The following PDIA6 variants were observed in gnomAD, a reference collection of about 807,000 sequenced individuals.
The protein encoded by PDIA6 is protein disulfide isomerase family A member 6.
PDIA6 carries 29 observed loss-of-function variants against 58.4 expected under a neutral mutation model. That is an observed-to-expected ratio of 0.50 (90% CI 0.37 to 0.68). PDIA6 has a LOEUF of 0.68. Ranked by LOEUF, PDIA6 falls within the 30% of genes least tolerant of loss-of-function variation. The pLI is 0.00. For synonymous variants in PDIA6, 192 were observed against 202.6 expected, an observed-to-expected ratio of 0.95 and a Z score of 0.44; for missense variants, 480 against 551.0, an observed-to-expected ratio of 0.87 and a Z score of 1.29.
intron 1 of PDIA6, among the ~76,000 whole-genome samples, chr2:10,830,870 G>C (rs574644374): frequency 8.5e-5 from 13 of 152,298 alleles, no homozygotes; most frequent in African/African-American, 3.1e-4. Context: ...GGAGGCACAC[G>C]GGGCACTTCT....
At chr2:10,816,285 A>T (rs1224139572), upstream of PDIA6, among the ~76,000 whole-genome samples, 7 of 151,364 alleles carry the variant, frequency 4.6e-5, no homozygotes, top group Non-Finnish European at 8.8e-5. Context: ...GGTTTTCATC[A>T]TGTTGGAGAG....
chr2:10,836,299 C>T (rs187909798), upstream of PDIA6, among the ~76,000 whole-genome samples: 92 of 152,312 alleles, frequency 6.0e-4, no homozygotes, highest in African/African-American at 2.1e-3. Flanking sequence ...ACACTGGCAA[C>T]GTCAGGCCTG....
Position 10,783,993 on chromosome 2 carries a change from G to T in PDIA6, c.*265C>A. 1 of 289,798 alleles carries T rather than the reference G, an allele frequency of 3.5e-6. No homozygotes were observed. The allele number at this position is 289,798 out of a possible 1,614,324, so 18.0% of individuals were successfully genotyped here. ...TCAAGCAGCAGTCAGAGAGAAAAAT[G>T]TTTCGACAGCCAAGTTTTCTTCAAA... On this transcript the variant is annotated 3_prime_UTR_variant, in exon 13 of 13. Coordinates refer to ENST00000272227, the MANE Select transcript of PDIA6 (RefSeq NM_005742.4).
At chr2:10,830,718 C>G (rs1273161517) in intron 1 of PDIA6, among the ~76,000 whole-genome samples, 1 of 152,216 alleles carries the variant, frequency 6.6e-6, no homozygotes, top group Non-Finnish European at 1.5e-5. Context: ...AGACTTAGAG[C>G]TGAACTGAAC....
intron 1 of PDIA6, among the ~76,000 whole-genome samples, chr2:10,808,127 A>C (rs1241018918): frequency 6.6e-6 from 1 of 152,270 alleles, no homozygotes; most frequent in Non-Finnish European, 1.5e-5. Context: ...TAGTGAAGCC[A>C]CTAAAGGGTT....
chr2:10,789,741 T>A lies in PDIA6; in HGVS notation c.840+8A>T, dbSNP rs11904084. ...CTTTCTGGACTACAAGCAGTTGAAGTGGTTTACCTCAAGCAGCTCAGGAGG... is the reference window on the plus strand; with the variant it reads ...CTTTCTGGACTACAAGCAGTTGAAGAGGTTTACCTCAAGCAGCTCAGGAGG... On this transcript the variant is annotated splice_region_variant and intron_variant, in intron 8 of 12. Coordinates refer to ENST00000272227, the MANE Select transcript of PDIA6 (RefSeq NM_005742.4). The A allele has an allele frequency of 3.7e-6, 6 of 1,611,276 alleles. No homozygotes were observed. The South Asian group carries it at 5.5e-5, about 15-fold the overall frequency.
intron 1 of PDIA6, chr2:10,820,633 C>T (rs1245209982): frequency 8.6e-6 from 5 of 579,572 alleles, no homozygotes; most frequent in Non-Finnish European, 1.2e-5. Context: ...ATTTCTTGAG[C>T]TGTTTTTTGT....
At chr2:10,836,786 A>G (rs990604918), upstream of PDIA6, among the ~76,000 whole-genome samples, 1 of 151,722 alleles carries the variant, frequency 6.6e-6, no homozygotes, top group Non-Finnish European at 1.5e-5. Flanking sequence ...CTTGTGTTCT[A>G]TGGGGATTAA....
At chr2:10,813,697 G>A (rs1442971987), upstream of PDIA6, among the ~76,000 whole-genome samples, 1 of 151,788 alleles carries the variant, frequency 6.6e-6, no homozygotes, top group Non-Finnish European at 1.5e-5. Context: ...GTGCAAAGGC[G>A]GGGTCTTGGC....
upstream of PDIA6, among the ~76,000 whole-genome samples, chr2:10,834,164 G>T (rs917989878): frequency 2.0e-5 from 3 of 152,232 alleles, no homozygotes; most frequent in Admixed American, 1.3e-4. Context: ...TTTCTTTGGG[G>T]TCTCAGCAGC....
intron 8 of PDIA6, among the ~76,000 whole-genome samples, chr2:10,789,273 A>T (rs909904797): frequency 6.6e-6 from 1 of 152,166 alleles, no homozygotes; most frequent in Non-Finnish European, 1.5e-5. Flanking sequence ...TACTTGTTTA[A>T]ATAGATTATA....
intron 1 of PDIA6, among the ~76,000 whole-genome samples, chr2:10,822,349 GC>G (rs1667422270): frequency 1.3e-5 from 2 of 151,636 alleles, no homozygotes; most frequent in African/African-American, 2.4e-5. Flanking sequence ...TGCAAGCTCC[GC>G]CTCCCGGGTT....
intron 1 of PDIA6, among the ~76,000 whole-genome samples, chr2:10,824,975 AGGCAGACCCACCCTTAATCTG>A: frequency 6.6e-6 from 1 of 152,180 alleles, no homozygotes; most frequent in Admixed American, 6.5e-5. Context: ...GGGTTGGGAA[AGGCAGACCCACCCTTAATCTG>A]GGTGGGCACC....
Position 10,788,680 on chromosome 2 carries a change from T to C in PDIA6, c.998+17A>G, listed in dbSNP as rs1665894605. On this transcript the variant is annotated intron_variant, in intron 10 of 12. Coordinates refer to ENST00000272227, the MANE Select transcript of PDIA6 (RefSeq NM_005742.4). ...AGCTGTTCAGATGACACTCAGACAG[T>C]AAGCTCAGTAACTTACCCCCACATT... 1 of 1,562,830 alleles carries C rather than the reference T, an allele frequency of 6.4e-7. No homozygotes were observed. Among genetic ancestry groups the C allele is most frequent in the Non-Finnish European group, 8.8e-7 (1 of 1,133,292 alleles).
At chr2:10,833,575 A>G (rs1667760664), upstream of PDIA6, among the ~76,000 whole-genome samples, 1 of 152,152 alleles carries the variant, frequency 6.6e-6, no homozygotes, top group Non-Finnish European at 1.5e-5. Context: ...TCTCCTCAGA[A>G]CATGTTTGAG....
intron 1 of PDIA6, among the ~76,000 whole-genome samples, chr2:10,804,193 C>T (rs1439124120): frequency 1.3e-5 from 2 of 151,940 alleles, no homozygotes; most frequent in African/African-American, 4.8e-5. Flanking sequence ...CAGGCGTGAG[C>T]CACCGTGCCC....
intron 2 of PDIA6, among the ~76,000 whole-genome samples, chr2:10,818,323 C>T (rs916531321): frequency 2.0e-5 from 3 of 150,512 alleles, no homozygotes; most frequent in African/African-American, 7.3e-5. Context: ...CACAACACAC[C>T]TGACTAATTT....
At chr2:10,818,998 A>G (rs1245500625) in intron 2 of PDIA6, among the ~76,000 whole-genome samples, 3 of 152,090 alleles carry the variant, frequency 2.0e-5, no homozygotes, top group African/African-American at 7.2e-5. Context: ...TTCTGTCTTT[A>G]TAAATTTAAC....
intron 4 of PDIA6, among the ~76,000 whole-genome samples, chr2:10,795,733 C>T (rs1166914641): frequency 2.6e-5 from 4 of 152,166 alleles, no homozygotes; most frequent in Admixed American, 2.6e-4. Flanking sequence ...CCAGCTCACA[C>T]ACGACAGATT....
Sources: allele counts gnomAD v4.1 joint callset (sites outside exome capture counted in the v4.1 genomes callset), GRCh38; gene constraint gnomAD v4.1.1; transcripts MANE v1.5; gene names NCBI Gene and HGNC (gene_info 2026-07-23, HGNC 2026-07-21).